Variants in CELF1 observed in about 807,000 individuals in gnomAD.
CELF1 encodes CUGBP Elav-like family member 1, also known as 50 kDa nuclear polyadenylated RNA-binding protein.
CELF1 carries 10 observed loss-of-function variants against 61.8 expected under a neutral mutation model. The observed-to-expected ratio is 0.16, with a 90% confidence interval of 0.10 to 0.27. The LOEUF (loss-of-function observed/expected upper bound fraction) is 0.27, where lower values mean the gene tolerates loss of function less well. Ranked by LOEUF, CELF1 falls within the 10% of genes least tolerant of loss-of-function variation. The pLI is 1.00. For synonymous variants in CELF1, 236 were observed against 225.1 expected (o/e 1.05, Z -0.43); for missense variants, 380 against 639.1 (o/e 0.59, Z 4.37).
chr11:47,484,358 A>T (rs1401795720), intron 7 of CELF1, 31 bp downstream of exon 7: 5 of 1,588,710 alleles, frequency 3.1e-6, no homozygotes, highest in Non-Finnish European at 4.3e-6. Context: ...ACAAAAAACC[A>T]AAAGATTATT....
chr11:47,554,578 T>C (rs76029004), upstream of CELF1, among the ~76,000 whole-genome samples: 2,419 of 152,062 alleles, frequency 0.016, 49 homozygotes, highest in African/African-American at 0.048. Flanking sequence ...ACTGCTTGCA[T>C]GCATGGCATG....
intron 1 of CELF1, among the ~76,000 whole-genome samples, chr11:47,519,984 A>T (rs2095797837): frequency 7.1e-6 from 1 of 141,538 alleles, no homozygotes; most frequent in Non-Finnish European, 1.5e-5. Context: ...CAGTGCTTTG[A>T]TTTCATTTTT....
At chr11:47,545,984 C>G in intron 1 of CELF1, among the ~76,000 whole-genome samples, 1 of 151,110 alleles carries the variant, frequency 6.6e-6, no homozygotes, top group East Asian at 1.9e-4. Flanking sequence ...CATCTCAGCT[C>G]ACTGCAAGCT....
chr11:47,489,935 G>GTTTTTTTTTTTTTTGTT lies in CELF1; in HGVS notation c.72-912_72-911insAACAAAAAAAAAAAAAA, dbSNP rs1555170255. On this transcript the variant is annotated intron_variant, in intron 3 of 14. Coordinates refer to ENST00000687097, the MANE Select transcript of CELF1 (RefSeq NM_001376376.1). The stretch of plus-strand genomic sequence containing the variant: ...GTTTCCACTCAGAACATACCATCTT[G>GTTTTTTTTTTTTTTGTT]TTTTTTTTTTTTTTTTTTTTGAGAC... Among the ~76,000 whole-genome samples the GTTTTTTTTTTTTTTGTT allele has an allele frequency of 2.2e-3, 105 of 48,234 alleles. 21 individuals are homozygous for GTTTTTTTTTTTTTTGTT. The highest frequency in any genetic ancestry group is 3.1e-3 in the Non-Finnish European group (80 of 25,720). The allele number at this position is 48,234 out of a possible 152,430, so 31.6% of individuals were successfully genotyped here.
At chr11:47,479,435 T>A (rs2081792508) in intron 9 of CELF1, among the ~76,000 whole-genome samples, 1 of 152,210 alleles carries the variant, frequency 6.6e-6, no homozygotes, top group African/African-American at 2.4e-5. Context: ...TCTAAACATT[T>A]CATAGTATTT....
At chr11:47,514,443 GT>G (rs1177250635) in intron 1 of CELF1, among the ~76,000 whole-genome samples, 2 of 152,076 alleles carry the variant, frequency 1.3e-5, no homozygotes, top group Admixed American at 6.6e-5. Context: ...CTCCCATTTA[GT>G]TATATGATCT....
Position 47,514,069 on chromosome 11 carries a change from C to T in CELF1, c.-153-13137G>A, listed in dbSNP as rs184103297. 3.8e-3 allele frequency: 585 copies of T among 152,142 alleles called. 4 individuals are homozygous for T. Among genetic ancestry groups the T allele is most frequent in the Middle Eastern group, 0.013 (4 of 298 alleles). The allele number at this position is 152,142 out of a possible 1,614,324, so 9.4% of individuals were successfully genotyped here. A position where few individuals can be genotyped will look rare whatever the true frequency, so the allele number is the denominator to read the frequency against. ...TCAGCCTCCCAAGTAGCTGGGACTA[C>T]AGGCGTGCACCACCACACCCAGCTA... On this transcript the variant is annotated intron_variant, in intron 1 of 14. Transcript: ENST00000687097.
At chr11:47,544,580 T>C (rs2096886721) in intron 1 of CELF1, among the ~76,000 whole-genome samples, 1 of 152,238 alleles carries the variant, frequency 6.6e-6, no homozygotes. Context: ...CAACTCTCAA[T>C]TACAGAAAGA....
chr11:47,530,165 G>A (rs1236728397), intron 1 of CELF1, among the ~76,000 whole-genome samples: 2 of 152,084 alleles, frequency 1.3e-5, no homozygotes, highest in Non-Finnish European at 2.9e-5. Context: ...GTGCAATGTG[G>A]GCGACAACAT....
chr11:47,508,337 T>C (rs1326226947), intron 1 of CELF1, among the ~76,000 whole-genome samples: 1 of 152,118 alleles, frequency 6.6e-6, no homozygotes, highest in Non-Finnish European at 1.5e-5. Flanking sequence ...ATTATGTGAT[T>C]GGTTTTTCAT....
At chr11:47,476,242 T>C (rs2080081392) in intron 12 of CELF1, among the ~76,000 whole-genome samples, 1 of 152,182 alleles carries the variant, frequency 6.6e-6, no homozygotes. Context: ...ATCCCCTGCT[T>C]TGGCCTCCCA....
chr11:47,483,272 G>C (rs1393141144), intron 8 of CELF1, among the ~76,000 whole-genome samples, 181 bp downstream of exon 8: 1 of 151,994 alleles, frequency 6.6e-6, no homozygotes, highest in Non-Finnish European at 1.5e-5. Context: ...CTCAAAAAAA[G>C]GGGTAGGGAG....
chr11:47,512,528 C>A (rs1404698525), intron 1 of CELF1, among the ~76,000 whole-genome samples: 2 of 146,072 alleles, frequency 1.4e-5, no homozygotes, highest in African/African-American at 2.5e-5. Flanking sequence ...TTAGTAGAGA[C>A]AGAGTCTGGC....
At chr11:47,521,820 T>C (rs1482125781) in intron 1 of CELF1, among the ~76,000 whole-genome samples, 1 of 152,194 alleles carries the variant, frequency 6.6e-6, no homozygotes, top group Non-Finnish European at 1.5e-5. Context: ...CAACGCTCAA[T>C]GGTTATGTTA....
chr11:47,532,680 T>C (rs1191902743), intron 1 of CELF1, among the ~76,000 whole-genome samples: 1 of 152,196 alleles, frequency 6.6e-6, no homozygotes, highest in Non-Finnish European at 1.5e-5. Flanking sequence ...AGGCATTCCA[T>C]GTCCCTCATT....
intron 1 of CELF1, among the ~76,000 whole-genome samples, chr11:47,504,167 C>A (rs766858910): frequency 2.6e-5 from 4 of 151,908 alleles, no homozygotes; most frequent in Non-Finnish European, 4.4e-5. Context: ...AGAATAAGAC[C>A]CTGTCTCAAA....
intron 1 of CELF1, among the ~76,000 whole-genome samples, chr11:47,537,576 T>C (rs1231893704): frequency 6.6e-6 from 1 of 152,130 alleles, no homozygotes; most frequent in Non-Finnish European, 1.5e-5. Flanking sequence ...ATAATGTCTT[T>C]TGATGGAAAG....
At chr11:47,475,693 C>G (rs984842956) in intron 12 of CELF1, among the ~76,000 whole-genome samples, 172 bp from the exon 13 acceptor site, 1 of 152,200 alleles carries the variant, frequency 6.6e-6, no homozygotes, top group African/African-American at 2.4e-5. Context: ...AGGACATTCA[C>G]CAGGCCTTGC....
At chr11:47,541,793 C>CGAAAGAAAGAAAGAAAGAAAGAAA (rs1177250671) in intron 1 of CELF1, among the ~76,000 whole-genome samples, 1 of 13,834 alleles carries the variant, frequency 7.2e-5, no homozygotes, top group African/African-American at 1.4e-4. Context: ...AAAGAAAGAA[C>CGAAAGAAAGAAAGAAAGAAAGAAA]GAAAGAAAGA....
Sources: gnomAD v4.1 joint callset for allele counts (sites outside exome capture counted in the v4.1 genomes callset) on GRCh38, gnomAD v4.1.1 for gene constraint, MANE v1.5 for transcripts, NCBI Gene and HGNC (gene_info 2026-07-23, HGNC 2026-07-21) for gene names.